HSDL1: variants seen among roughly 807,000 people sequenced by gnomAD.
HSDL1 encodes inactive hydroxysteroid dehydrogenase-like protein 1.
A neutral mutation model predicts 31.5 loss-of-function variants in HSDL1; 29 were observed. The observed-to-expected ratio is 0.92, with a 90% confidence interval of 0.69 to 1.26. The LOEUF (loss-of-function observed/expected upper bound fraction) is 1.26, where lower values mean the gene tolerates loss of function less well. HSDL1 is among the 50% of genes most tolerant of loss of function. The pLI, the probability that HSDL1 is intolerant of heterozygous loss-of-function variation, is 0.00. For synonymous variants in HSDL1, 222 were observed against 155.2 expected, an observed-to-expected ratio of 1.43 and a Z score of -3.20; for missense variants, 503 against 416.6, an observed-to-expected ratio of 1.21 and a Z score of -1.81.
At chr16:84,131,688 T>C (rs2086668827) in intron 2 of HSDL1, among the ~76,000 whole-genome samples, 2 of 148,354 alleles carry the variant, frequency 1.3e-5, no homozygotes, top group African/African-American at 5.0e-5. Flanking sequence ...CTAATTTTTT[T>C]TTTTTTTTTT....
intron 3 of HSDL1, 98 bp from the exon 4 acceptor site, chr16:84,130,529 T>C: frequency 1.0e-6 from 1 of 984,722 alleles, no homozygotes; most frequent in Non-Finnish European, 1.5e-6. Context: ...CAGAGAAAAA[T>C]TCACACTAGA....
chr16:84,125,489 G>A (rs545816915), intron 5 of HSDL1, among the ~76,000 whole-genome samples: 24 of 133,012 alleles, frequency 1.8e-4, no homozygotes, highest in Admixed American at 1.5e-4. Flanking sequence ...CCCACCAATC[G>A]ATCCCAACAA....
rs2086566066 is a variant in HSDL1, at chr16:84,122,685, A to T, written c.*1945T>A. 6.6e-6 allele frequency: 1 copy of T among 152,192 alleles called. No individual in the cohort carries two copies. Among genetic ancestry groups the T allele is most frequent in the African/African-American group, 2.4e-5 (1 of 41,444 alleles). 9.4% of individuals were successfully genotyped at this position (152,192 alleles called of 1,614,324 possible). A position where few individuals can be genotyped will look rare whatever the true frequency, so the allele number is the denominator to read the frequency against. On this transcript the variant is annotated 3_prime_UTR_variant, in exon 6 of 6. Coordinates refer to ENST00000219439, the MANE Select transcript of HSDL1 (RefSeq NM_031463.5). The stretch of plus-strand genomic sequence containing the variant: ...CCACATTCTTAATGACACCCCATCC[A>T]CAGTGGTCCAATCAACTTTCAAATT...
intron 1 of HSDL1, among the ~76,000 whole-genome samples, chr16:84,140,665 T>C (rs2086757628): frequency 6.6e-6 from 1 of 152,198 alleles, no homozygotes; most frequent in Admixed American, 6.5e-5. Context: ...ACAAAACCAG[T>C]GTCGTGGAAG....
chr16:84,134,333 G>C (rs1033634094), intron 2 of HSDL1, among the ~76,000 whole-genome samples: 2 of 152,122 alleles, frequency 1.3e-5, no homozygotes, highest in African/African-American at 4.8e-5. Context: ...ATTAAAAACT[G>C]ACATTCCAGC....
intron 4 of HSDL1, 87 bp from the exon 5 acceptor site, chr16:84,129,862 C>A: frequency 2.8e-6 from 4 of 1,420,480 alleles, no homozygotes; most frequent in Admixed American, 2.1e-5. Flanking sequence ...ATTATCAATT[C>A]AGGAAAAAAT....
intron 1 of HSDL1, among the ~76,000 whole-genome samples, chr16:84,140,779 T>C (rs2086758886): frequency 6.6e-6 from 1 of 152,118 alleles, no homozygotes; most frequent in Non-Finnish European, 1.5e-5. Flanking sequence ...ACAAAACAGC[T>C]GTATACCCCA....
chr16:84,135,246 G>GA lies in HSDL1; in HGVS notation c.-7+297dup, dbSNP rs796269801. The stretch of plus-strand genomic sequence containing the variant: ...AGACTCCGTCTCAAAAAAGAAAAAA[G>GA]AAAAAAAAAAAAAGAAAGAAAAAAC... On this transcript the variant is annotated intron_variant, in intron 2 of 5. Transcript: ENST00000219439. Among the ~76,000 whole-genome samples the GA allele has an allele frequency of 1.1e-3, 134 of 120,834 alleles. 1 individual carries two copies. The highest frequency in any genetic ancestry group is 1.5e-3 in the East Asian group (6 of 4,056). The allele number at this position is 120,834 out of a possible 152,430, so 79.3% of individuals were successfully genotyped here.
intron 2 of HSDL1, among the ~76,000 whole-genome samples, chr16:84,132,384 A>T (rs533341486): frequency 5.3e-4 from 81 of 152,166 alleles, no homozygotes; most frequent in East Asian, 1.2e-3. Context: ...TAAAAAAAAA[A>T]TTTTTTTTAA....
At chr16:84,125,947 C>T (rs893862523) in intron 5 of HSDL1, among the ~76,000 whole-genome samples, 1 of 151,868 alleles carries the variant, frequency 6.6e-6, no homozygotes, top group African/African-American at 2.4e-5. Flanking sequence ...ACTAAAAATA[C>T]AAAAAATTAG....
Position 84,131,466 on chromosome 16 carries a change from C to T in HSDL1, c.-6-139G>A, listed in dbSNP as rs565642724. On this transcript the variant is annotated intron_variant, in intron 2 of 5. Coordinates refer to ENST00000219439, the MANE Select transcript of HSDL1 (RefSeq NM_031463.5). ...AAATAACACTAACTTTTCAAATGTA[C>T]GTGGCTCACAGTTTCAGTCTATCTA... The T allele has an allele frequency of 1.7e-4, 111 of 637,048 alleles. No homozygotes were observed. The African/African-American group carries it at 2.0e-3, about 12-fold the overall frequency. 39.5% of individuals were successfully genotyped at this position (637,048 alleles called of 1,614,324 possible).
chr16:84,142,243 G>T (rs2086775351), intron 1 of HSDL1, among the ~76,000 whole-genome samples: 1 of 152,048 alleles, frequency 6.6e-6, no homozygotes, highest in African/African-American at 2.4e-5. Flanking sequence ...TCTTAATTTT[G>T]AAAGAGACAA....
chr16:84,140,951 C>T (rs1179649126), intron 1 of HSDL1, among the ~76,000 whole-genome samples: 1 of 152,020 alleles, frequency 6.6e-6, no homozygotes, highest in Non-Finnish European at 1.5e-5. Context: ...ATTAGCCGGG[C>T]GCAGTGGTGG....
At chr16:84,132,739 G>A (rs917467942) in intron 2 of HSDL1, among the ~76,000 whole-genome samples, 3 of 152,130 alleles carry the variant, frequency 2.0e-5, no homozygotes, top group African/African-American at 7.2e-5. Flanking sequence ...CAGGCATGGG[G>A]GGTCTGGCCA....
chr16:84,140,250 A>C (rs2086753782), intron 1 of HSDL1, among the ~76,000 whole-genome samples: 1 of 152,164 alleles, frequency 6.6e-6, no homozygotes, highest in African/African-American at 2.4e-5. Flanking sequence ...ATAGAAAACG[A>C]ATTTTTCTGT....
At chr16:84,127,510 C>T (rs888069821) in intron 5 of HSDL1, among the ~76,000 whole-genome samples, 3 of 152,152 alleles carry the variant, frequency 2.0e-5, no homozygotes, top group African/African-American at 4.8e-5. Flanking sequence ...GCCACCACCA[C>T]GCCCGACCAA....
Position 84,131,229 on chromosome 16 carries a change from C to G in HSDL1, c.93G>C (p.Trp31Cys). ...YMEALALVGAWYTARKSITVI... is the reference protein window; with the variant it reads ...YMEALALVGACYTARKSITVI... ...CAGTGATGCTTTTTCTGGCCGTATACCAGGCTCCAACCAAAGCTAGAGCTT... is the reference window on the plus strand; with the variant it reads ...CAGTGATGCTTTTTCTGGCCGTATAGCAGGCTCCAACCAAAGCTAGAGCTT... Residue 31 changes from tryptophan to cysteine, a missense_variant, in exon 3 of 6, where the codon TGG becomes TGC. By Grantham distance (215) the Trp-to-Cys change is radical (BLOSUM62 -2). Transcript: ENST00000219439. 6.2e-7 allele frequency: 1 copy of G among 1,614,068 alleles called. No homozygotes were observed. Among genetic ancestry groups the G allele is most frequent in the Non-Finnish European group, 8.5e-7 (1 of 1,179,976 alleles).
chr16:84,138,495 CTGAGGTGA>C (rs1284814627), intron 1 of HSDL1, among the ~76,000 whole-genome samples: 1 of 152,136 alleles, frequency 6.6e-6, no homozygotes, highest in East Asian at 1.9e-4. Context: ...AAAAAAGTAA[CTGAGGTGA>C]TGAATGTGTT....
intron 2 of HSDL1, among the ~76,000 whole-genome samples, chr16:84,135,016 G>A (rs551293539): frequency 6.6e-6 from 1 of 152,172 alleles, no homozygotes; most frequent in Non-Finnish European, 1.5e-5. Context: ...GGCGGATCAC[G>A]AGGTCAGGAG....
Sources: allele counts gnomAD v4.1 joint callset (sites outside exome capture counted in the v4.1 genomes callset), GRCh38; gene constraint gnomAD v4.1.1; transcripts MANE v1.5; gene names NCBI Gene and HGNC (gene_info 2026-07-23, HGNC 2026-07-21).